The following COL12A1 variants were observed in gnomAD, a reference collection of about 807,000 sequenced individuals.
COL12A1 encodes collagen type XII alpha 1 chain.
COL12A1 carries 114 observed loss-of-function variants against 349.7 expected under a neutral mutation model. The observed-to-expected ratio is 0.33, with a 90% CI of 0.28 to 0.38. The LOEUF is 0.38. Ranked by LOEUF, COL12A1 falls within the 10% of genes least tolerant of loss-of-function variation. COL12A1 has a pLI of 1.00. For missense variants in COL12A1, 3,284 were observed against 3,756.9 expected, an observed-to-expected ratio of 0.87 and a Z score of 3.29; for synonymous variants, 1,369 against 1,329.0, an observed-to-expected ratio of 1.03 and a Z score of -0.66.
intron 8 of COL12A1, 133 bp downstream of exon 8, chr6:75,188,229 A>T (rs1427890500): frequency 1.1e-6 from 1 of 928,072 alleles, no homozygotes; most frequent in African/African-American, 1.7e-5. Flanking sequence ...GCTAAAAAAC[A>T]ATACAGTGGA....
At position 75,133,919 on chromosome 6, in the gene COL12A1, T is replaced by A. The variant is rs1370422060; in HGVS notation, c.5603A>T (p.Glu1868Val). The A allele has an allele frequency of 3.1e-6, 5 of 1,614,116 alleles. No homozygotes were observed. Among genetic ancestry groups the A allele is most frequent in the Non-Finnish European group, 2.5e-6 (3 of 1,179,984 alleles). ...GAGCTTGTACTGACGAGGATTTCCC[T>A]CTGCATGGTCCCAGCGGACATTCAA... is the stretch of plus-strand genomic sequence containing the variant. ...STLNVRWDHA[E>V]GNPRQYKLFY... Residue 1868 changes from glutamate (E) to valine (V), a missense_variant, in exon 33 of 66, where the codon GAG (glutamate) becomes GTG (valine). Coordinates refer to ENST00000322507, the MANE Select transcript of COL12A1 (RefSeq NM_004370.6).
intron 65 of COL12A1, 99 bp downstream of exon 65, chr6:75,087,478 A>G (rs1353522907): frequency 2.6e-6 from 3 of 1,174,460 alleles, no homozygotes; most frequent in Non-Finnish European, 3.7e-6. Context: ...TATCTTCAAG[A>G]CATCTTCAAA....
At chr6:75,121,687 C>T (rs1765741808) in intron 43 of COL12A1, among the ~76,000 whole-genome samples, 2 of 152,094 alleles carry the variant, frequency 1.3e-5, no homozygotes, top group African/African-American at 4.8e-5. Context: ...CGGGGACCCT[C>T]AATACCTGCT....
intron 25 of COL12A1, 95 bp from the exon 26 acceptor site, chr6:75,143,483 T>C (rs1300179700): frequency 6.4e-6 from 9 of 1,399,816 alleles, no homozygotes; most frequent in Non-Finnish European, 8.7e-6. Context: ...TTGGAGAAAA[T>C]TTAAAGGTGT....
chr6:75,089,509 T>C (rs1203805292), intron 63 of COL12A1, among the ~76,000 whole-genome samples: 1 of 152,230 alleles, frequency 6.6e-6, no homozygotes, highest in East Asian at 1.9e-4. Context: ...GTATTTTATC[T>C]TTAGTAGCCC....
At chr6:75,096,284 T>G (rs1236627417) in intron 59 of COL12A1, among the ~76,000 whole-genome samples, 6 of 152,234 alleles carry the variant, frequency 3.9e-5, no homozygotes, top group African/African-American at 1.4e-4. Flanking sequence ...ACATGAAAGT[T>G]TGCTGTGCAT....
At chr6:75,123,509 G>T in intron 42 of COL12A1, 105 bp from the exon 43 acceptor site, 1 of 923,050 alleles carries the variant, frequency 1.1e-6, no homozygotes, top group Non-Finnish European at 1.6e-6. Flanking sequence ...AAATCAAGTC[G>T]TACAAAATGA....
intron 24 of COL12A1, 74 bp from the exon 25 acceptor site, chr6:75,145,529 T>A: frequency 6.7e-7 from 1 of 1,489,600 alleles, no homozygotes; most frequent in Non-Finnish European, 9.1e-7. Flanking sequence ...AATAGTCAAC[T>A]GAAGTTTATT....
At chr6:75,089,009 A>AG in intron 64 of COL12A1, 97 bp downstream of exon 64, 2 of 985,422 alleles carry the variant, frequency 2.0e-6, no homozygotes, top group East Asian at 5.1e-5. Flanking sequence ...TCAAAAACAA[A>AG]AAAAAGAATA....
chr6:75,139,853 C>A lies in COL12A1; in HGVS notation c.4958-892G>T, dbSNP rs567601991. On this transcript the variant is annotated intron_variant, in intron 27 of 65. Transcript: ENST00000322507. ...TCCTCTGGCTGTTTTGCAGCACAAG[C>A]ATTTTTTTATGTCTGCCACCATTCC... Among the ~76,000 whole-genome samples the A allele has an allele frequency of 2.6e-5, 4 of 152,290 alleles. No homozygotes were observed. The East Asian group carries it at 7.7e-4, about 29-fold the overall frequency.
At chr6:75,137,382 G>A in intron 31 of COL12A1, 55 bp downstream of exon 31, 2 of 1,476,394 alleles carry the variant, frequency 1.4e-6, no homozygotes, top group Non-Finnish European at 1.8e-6. Context: ...GGGAAAAAGA[G>A]TTTGAAGAGA....
intron 63 of COL12A1, among the ~76,000 whole-genome samples, chr6:75,089,725 T>C (rs1447487503): frequency 1.3e-5 from 2 of 152,134 alleles, no homozygotes; most frequent in Non-Finnish European, 2.9e-5. Context: ...TGCCAGACCC[T>C]GAATAAAGGA....
At chr6:75,130,394 G>A (rs528693529) in intron 36 of COL12A1, among the ~76,000 whole-genome samples, 161 bp from the exon 37 acceptor site, 7 of 152,280 alleles carry the variant, frequency 4.6e-5, no homozygotes, top group African/African-American at 1.7e-4. Context: ...ATCATAAACA[G>A]TGTATTTCAG....
intron 32 of COL12A1, among the ~76,000 whole-genome samples, chr6:75,134,279 G>A (rs1015659680): frequency 2.6e-5 from 4 of 152,066 alleles, no homozygotes; most frequent in Admixed American, 6.6e-5. Context: ...TGTTAAAAAC[G>A]ATCAATATGG....
chr6:75,201,051 G>A (rs1487154963), intron 2 of COL12A1, among the ~76,000 whole-genome samples: 1 of 151,984 alleles, frequency 6.6e-6, no homozygotes, highest in Non-Finnish European at 1.5e-5. Context: ...CTTTCTAACT[G>A]CACTTTGCTA....
Position 75,147,779 on chromosome 6 carries a change from C to A in COL12A1, c.4313G>T (p.Ser1438Ile), listed in dbSNP as rs889393418. The change falls in exon 23 of 66, where the codon AGC (serine) becomes ATC (isoleucine). Residue 1438 changes from serine to isoleucine, a missense_variant. Ser to Ile is a moderately radical substitution (Grantham distance 142). This residue lies in a region of COL12A1 where 2,601 missense variants were observed against 2,824.8 expected (regional missense o/e 0.92). Transcript: ENST00000322507. ...QEFYVSRMET[S>I]TVLKDLKPET... The stretch of plus-strand genomic sequence containing the variant: ...AGGTTTCAGATCTTTCAGCACTGTG[C>A]TAGTTTCCATTCGACTCACATAAAA... 6.2e-7 allele frequency: 1 copy of A among 1,613,046 alleles called. No individual in the cohort carries two copies. The highest frequency in any genetic ancestry group is 1.3e-5 in the African/African-American group (1 of 74,838).
intron 14 of COL12A1, among the ~76,000 whole-genome samples, chr6:75,160,586 G>A: frequency 6.6e-6 from 1 of 152,178 alleles, no homozygotes; most frequent in Non-Finnish European, 1.5e-5. Flanking sequence ...TATTTACTTA[G>A]ACATTTCAGC....
chr6:75,145,604 A>ATT, intron 24 of COL12A1, 149 bp from the exon 25 acceptor site: 1 of 417,876 alleles, frequency 2.4e-6, no homozygotes, highest in Admixed American at 4.9e-5. Flanking sequence ...TTCCATGCTG[A>ATT]TGTTTTCTTT....
At chr6:75,115,428 G>A (rs899708333) in intron 49 of COL12A1, among the ~76,000 whole-genome samples, 2 of 151,952 alleles carry the variant, frequency 1.3e-5, no homozygotes. Context: ...GAATGCTCTC[G>A]GTCTGCACTT....
Sources: gnomAD v4.1 joint callset for allele counts (sites outside exome capture counted in the v4.1 genomes callset) on GRCh38, gnomAD v4.1.1 for gene constraint, gnomAD v4.1.1 regional missense constraint, MANE v1.5 for transcripts, NCBI Gene and HGNC (gene_info 2026-07-23, HGNC 2026-07-21) for gene names.